CNTN6: variants seen among roughly 807,000 people sequenced by gnomAD.
The protein encoded by CNTN6 is contactin-6.
Under a neutral mutation model 122.8 loss-of-function variants are expected in CNTN6, and 137 were observed. The ratio of observed to expected loss-of-function variants is 1.12; its 90% CI spans 0.97 to 1.29. CNTN6 has a LOEUF of 1.29. CNTN6 is among the 50% of genes most tolerant of loss of function. The pLI is 0.00. For missense variants in CNTN6, 1,634 were observed against 1,223.4 expected (o/e 1.34, Z -5.01); for synonymous variants, 570 against 426.0 (o/e 1.34, Z -4.16).
rs761515297 is a variant in CNTN6, at chr3:1,383,289, G to A, written c.2402-4G>A. On this transcript the variant is annotated splice_region_variant and splice_polypyrimidine_tract_variant and intron_variant, in intron 18 of 22. Transcript: ENST00000446702. ...AGATGGTTATGTCTTTCTCTGGATGGTAGAACCTCAACTGGCCCCAAGGGG... is the reference window on the plus strand; with the variant it reads ...AGATGGTTATGTCTTTCTCTGGATGATAGAACCTCAACTGGCCCCAAGGGG... 1.9e-6 allele frequency: 3 copies of A among 1,612,406 alleles called. No individual in the cohort carries two copies. Among genetic ancestry groups the A allele is most frequent in the Admixed American group, 1.7e-5 (1 of 60,000 alleles).
intron 2 of CNTN6, among the ~76,000 whole-genome samples, chr3:1,172,620 CTGTGTGTGTGTGTGTGTG>C (rs3836248): frequency 6.7e-6 from 1 of 150,180 alleles, no homozygotes; most frequent in Non-Finnish European, 1.5e-5. Flanking sequence ...CAATAACTCT[CTGTGTGTGTGTGTGTGTG>C]TGTGTGTGTG....
chr3:1,119,147 G>T (rs1292166609), intron 1 of CNTN6, among the ~76,000 whole-genome samples: 1 of 151,602 alleles, frequency 6.6e-6, no homozygotes, highest in Non-Finnish European at 1.5e-5. Context: ...GACAATTTGA[G>T]TCTGCATTTT....
At chr3:1,256,622 T>C (rs571518858) in intron 4 of CNTN6, among the ~76,000 whole-genome samples, 1 of 152,090 alleles carries the variant, frequency 6.6e-6, no homozygotes, top group South Asian at 2.1e-4. Flanking sequence ...GCCTTGGGAG[T>C]AGTTGAAGTC....
intron 1 of CNTN6, among the ~76,000 whole-genome samples, chr3:1,098,267 G>C (rs1336520919): frequency 6.6e-6 from 1 of 151,220 alleles, no homozygotes; most frequent in African/African-American, 2.4e-5. Context: ...ATAAAAAAAA[G>C]AGAAAGGGTA....
intron 6 of CNTN6, among the ~76,000 whole-genome samples, chr3:1,296,826 A>C (rs1434600474): frequency 1.3e-5 from 2 of 152,152 alleles, no homozygotes; most frequent in Non-Finnish European, 2.9e-5. Context: ...AGCCAACAAT[A>C]TACTTGGAGA....
chr3:1,221,588 TTA>T (rs1333821810), intron 3 of CNTN6, among the ~76,000 whole-genome samples: 2 of 152,230 alleles, frequency 1.3e-5, no homozygotes, highest in African/African-American at 4.8e-5. Flanking sequence ...TTCTCACATA[TTA>T]TTTGTGGAAT....
chr3:1,099,287 C>A lies in CNTN6; in HGVS notation c.-83+6167C>A, dbSNP rs9839341. ...TAACACGGTGAAACCCCGTCTCTAC[C>A]AAAAATACAAAAAATTAGCAGGGTG... On this transcript the variant is annotated intron_variant, in intron 1 of 22. Coordinates refer to ENST00000446702, the MANE Select transcript of CNTN6 (RefSeq NM_001289080.2). 4.6e-5 allele frequency among the ~76,000 whole-genome samples: 7 copies of A among 151,452 alleles called. No individual in the cohort carries two copies. In the East Asian group the frequency reaches 1.4e-3, roughly 30 times the overall value.
chr3:1,255,453 T>C (rs1365504964), intron 4 of CNTN6, among the ~76,000 whole-genome samples: 1 of 149,050 alleles, frequency 6.7e-6, no homozygotes, highest in Non-Finnish European at 1.5e-5. Flanking sequence ...AAGAAAGGAA[T>C]TGTGGAGCCT....
At chr3:1,119,053 A>T (rs957488714) in intron 1 of CNTN6, among the ~76,000 whole-genome samples, 1 of 152,128 alleles carries the variant, frequency 6.6e-6, no homozygotes, top group Non-Finnish European at 1.5e-5. Context: ...TTAGGGAAGG[A>T]ATTTGAAAAG....
At chr3:1,157,637 C>G (rs1001840025) in intron 2 of CNTN6, among the ~76,000 whole-genome samples, 9 of 151,880 alleles carry the variant, frequency 5.9e-5, no homozygotes, top group African/African-American at 2.2e-4. Flanking sequence ...CCCCACCTGT[C>G]CCCCTCCCGC....
chr3:1,308,078 T>C (rs1271817404), intron 7 of CNTN6, among the ~76,000 whole-genome samples: 1 of 152,180 alleles, frequency 6.6e-6, no homozygotes, highest in Non-Finnish European at 1.5e-5. Flanking sequence ...CTTCTACCTG[T>C]GAAATGTGTC....
chr3:1,251,269 C>T (rs2094663577), intron 4 of CNTN6, among the ~76,000 whole-genome samples: 1 of 152,062 alleles, frequency 6.6e-6, no homozygotes, highest in Admixed American at 6.6e-5. Context: ...GTTGCCAGTT[C>T]CACCCATAAT....
At chr3:1,292,508 A>C (rs1270273583) in intron 5 of CNTN6, among the ~76,000 whole-genome samples, 2 of 152,208 alleles carry the variant, frequency 1.3e-5, no homozygotes, top group African/African-American at 4.8e-5. Flanking sequence ...TGGCTCAGAT[A>C]GAATAAATAA....
chr3:1,219,187 A>C (rs1306156210), intron 2 of CNTN6, among the ~76,000 whole-genome samples: 2 of 152,176 alleles, frequency 1.3e-5, no homozygotes, highest in Non-Finnish European at 2.9e-5. Flanking sequence ...AATTATAAAG[A>C]AAAAAAAGAT....
intron 19 of CNTN6, among the ~76,000 whole-genome samples, chr3:1,383,819 G>T (rs1348273535): frequency 6.6e-6 from 1 of 152,154 alleles, no homozygotes; most frequent in Non-Finnish European, 1.5e-5. Flanking sequence ...CAAATTAATG[G>T]GTGAGTTAGT....
chr3:1,138,919 A>C (rs528494121), intron 1 of CNTN6, among the ~76,000 whole-genome samples: 3 of 152,166 alleles, frequency 2.0e-5, no homozygotes, highest in Admixed American at 2.0e-4. Flanking sequence ...GATTTCTGCT[A>C]TCTGATATAC....
chr3:1,159,942 T>C (rs1449903736), intron 2 of CNTN6, among the ~76,000 whole-genome samples: 4 of 151,978 alleles, frequency 2.6e-5, no homozygotes, highest in African/African-American at 7.3e-5. Context: ...TGCCTCAGCC[T>C]CCTGAATAGA....
At chr3:1,223,031 C>T (rs963359411) in intron 3 of CNTN6, among the ~76,000 whole-genome samples, 1 of 152,120 alleles carries the variant, frequency 6.6e-6, no homozygotes, top group Non-Finnish European at 1.5e-5. Context: ...GCATTACCAA[C>T]AAAATGTAAA....
Position 1,384,806 on chromosome 3 carries a change from CACACACATAT to C in CNTN6, c.2518-803_2518-794del, listed in dbSNP as rs1323898138. ...ATATATATATATATATACACACACA[CACACACATAT>C]ATATATATATATATAACCATAATCC... On this transcript the variant is annotated intron_variant, in intron 19 of 22. Coordinates refer to ENST00000446702, the MANE Select transcript of CNTN6 (RefSeq NM_001289080.2). Among the ~76,000 whole-genome samples, 14 of 135,306 alleles carry C rather than the reference CACACACATAT, an allele frequency of 1.0e-4. 1 individual carries two copies. Among genetic ancestry groups the C allele is most frequent in the Non-Finnish European group, 1.8e-4 (11 of 60,776 alleles). 88.8% of individuals were successfully genotyped at this position (135,306 alleles called of 152,430 possible).
Sources: allele counts gnomAD v4.1 joint callset (sites outside exome capture counted in the v4.1 genomes callset), GRCh38; gene constraint gnomAD v4.1.1; transcripts MANE v1.5; gene names NCBI Gene and HGNC (gene_info 2026-07-23, HGNC 2026-07-21).